ADRB3: variants seen among roughly 807,000 people sequenced by gnomAD.
ADRB3 encodes the protein adrenoceptor beta 3.
A neutral mutation model predicts 23.8 loss-of-function variants in ADRB3; 33 were observed. The ratio of observed to expected loss-of-function variants is 1.38; its 90% CI spans 1.05 to 1.85. ADRB3 has a LOEUF of 1.85. Ranked by LOEUF, ADRB3 falls within the 40% of genes most tolerant of loss-of-function variation. ADRB3 has a pLI of 0.00. For missense variants in ADRB3, 600 were observed against 579.6 expected (o/e 1.04, Z -0.36); for synonymous variants, 289 against 273.0 (o/e 1.06, Z -0.58).
rs1360805137 is a variant in ADRB3 at position 37,965,343 on chromosome 8, C to A, written c.1127G>T (p.Arg376Leu). 2.6e-6 allele frequency: 4 copies of A among 1,542,552 alleles called. No individual in the cohort carries two copies. Among genetic ancestry groups the A allele is most frequent in the Non-Finnish European group, 3.5e-6 (4 of 1,144,788 alleles). ...RLPPEPCAAARPALFPSGVPA... is the reference protein window; with the variant it reads ...RLPPEPCAAALPALFPSGVPA... ...AACGCCCGAGGGGAAGAGGGCCGGG[C>A]GGGCGGCGGCGCAGGGCTCCGGAGG... Residue 376 changes from arginine (R) to leucine (L), a missense_variant, in exon 1 of 2, where the codon CGC becomes CTC. Physicochemically the swap from Arg to Leu is moderately radical, Grantham distance 102. Coordinates refer to ENST00000345060, the MANE Select transcript of ADRB3 (RefSeq NM_000025.3).
rs1395784106 is a variant in ADRB3, at chr8:37,966,215, C to T, written c.255G>A (p.Val85=). ...FVTSLAAADL[V]MGLLVVPPAA... is the part of the protein sequence containing the mutation. ...CCGGCGGCACCACCAGGAGTCCCAT[C>T]ACCAGGTCGGCTGCGGCCAGCGAAG... is the stretch of plus-strand genomic sequence containing the variant. The change falls in exon 1 of 2, where the codon GTG becomes GTA. Residue 85 remains valine, a synonymous_variant. Coordinates refer to ENST00000345060, the MANE Select transcript of ADRB3 (RefSeq NM_000025.3). 1.2e-6 allele frequency: 2 copies of T among 1,613,276 alleles called. No individual in the cohort carries two copies. Among genetic ancestry groups the T allele is most frequent in the Non-Finnish European group, 1.7e-6 (2 of 1,179,672 alleles).
In ADRB3 at chr8:37,965,732, C is replaced by A. The variant is rs202006847; in HGVS notation, c.738G>T (p.Pro246=). ...RLLRGELGRF[P]PEESPPAPSR... ...ACGGCGCCGGCGGAGACTCCTCGGG[C>A]GGAAAGCGGCCCAGCTCCCCGCGCA... Residue 246 remains proline (P), a synonymous_variant, in exon 1 of 2, where the codon CCG becomes CCT. Coordinates refer to ENST00000345060, the MANE Select transcript of ADRB3 (RefSeq NM_000025.3). 1.2e-5 allele frequency: 19 copies of A among 1,549,614 alleles called. No homozygotes were observed. The highest frequency in any genetic ancestry group is 2.0e-5 in the Admixed American group (1 of 50,926).
rs977536988 is a variant in ADRB3 at position 37,963,355 on chromosome 8, G to C, written c.*863C>G. ...GGCAACTGGATTTCAAGAGTTTCAG[G>C]AAGGGTGGGGGAGCAAGATATCAAA... On this transcript the variant is annotated 3_prime_UTR_variant, in exon 2 of 2. Coordinates refer to ENST00000345060, the MANE Select transcript of ADRB3 (RefSeq NM_000025.3). 5.3e-5 allele frequency: 8 copies of C among 152,228 alleles called. No individual in the cohort carries two copies. The highest frequency in any genetic ancestry group is 1.9e-4 in the African/African-American group (8 of 41,446). 9.4% of individuals were successfully genotyped at this position (152,228 alleles called of 1,614,324 possible). A position where few individuals can be genotyped will look rare whatever the true frequency, so the allele number is the denominator to read the frequency against.
At position 37,965,945 on chromosome 8, in the gene ADRB3, G is replaced by A. The variant is rs1169884324; in HGVS notation, c.525C>T (p.Ser175=). Residue 175 remains serine (S), a synonymous_variant, in exon 1 of 2, where the codon AGC becomes AGT. Coordinates refer to ENST00000345060, the MANE Select transcript of ADRB3 (RefSeq NM_000025.3). ...CGTCGGCCCCTACGCGCCACCACTG[G>A]CTCATGATGGGCGCAAACGACACCG... ...SAAVSFAPIM[S]QWWRVGADAE... 1.9e-6 allele frequency: 3 copies of A among 1,556,914 alleles called. No homozygotes were observed. Among genetic ancestry groups the A allele is most frequent in the Non-Finnish European group, 2.6e-6 (3 of 1,150,140 alleles).
At position 37,965,882 on chromosome 8, in the gene ADRB3, A is replaced by C. The variant is rs779144816; in HGVS notation, c.588T>G (p.Cys196Trp). The change falls in exon 1 of 2, where the codon TGT becomes TGG. Residue 196 changes from cysteine (C) to tryptophan (W), a missense_variant. Physicochemically the swap from Cys to Trp is radical, Grantham distance 215. Coordinates refer to ENST00000345060, the MANE Select transcript of ADRB3 (RefSeq NM_000025.3). Reference sequence around the variant, plus strand: ...CGTAGGGCATGTTGGAGGCGAAGGCACAGCAGCGCGGGTTGGAGTGGCAGC... The same window carrying C: ...CGTAGGGCATGTTGGAGGCGAAGGCCCAGCAGCGCGGGTTGGAGTGGCAGC... ...AQRCHSNPRCCAFASNMPYVL... is the reference protein window; with the variant it reads ...AQRCHSNPRCWAFASNMPYVL... The C allele has an allele frequency of 6.4e-7, 1 of 1,553,044 alleles. No individual in the cohort carries two copies.
Position 37,966,439 on chromosome 8 carries a change from G to A in ADRB3, c.31C>T (p.Leu11Phe). The part of the protein sequence containing the change: MAPWPHENSS[L>F]APWPDLPTLA... The stretch of plus-strand genomic sequence containing the variant: ...GTGGGGAGGTCCGGCCATGGGGCAA[G>A]AGAGCTGTTCTCGTGAGGCCACGGA... The change falls in exon 1 of 2, where the codon CTT becomes TTT. Residue 11 changes from leucine (L) to phenylalanine (F), a missense_variant. Leu to Phe is a conservative substitution (Grantham distance 22). Coordinates refer to ENST00000345060, the MANE Select transcript of ADRB3 (RefSeq NM_000025.3). The A allele has an allele frequency of 6.2e-7, 1 of 1,604,948 alleles. No homozygotes were observed. The highest frequency in any genetic ancestry group is 1.1e-5 in the South Asian group (1 of 90,062).
intron 1 of ADRB3, chr8:37,964,868 GT>G (rs940071957): frequency 5.4e-6 from 1 of 183,604 alleles, no homozygotes; most frequent in African/African-American, 2.4e-5. Context: ...GGAGCCAGGA[GT>G]TCAAGACTGC....
In ADRB3 at chr8:37,966,063, T is replaced by C. The variant is rs1298020093; in HGVS notation, c.407A>G (p.Tyr136Cys). The change falls in exon 1 of 2, where the codon TAC becomes TGC. Residue 136 changes from tyrosine to cysteine, a missense_variant. By Grantham distance (194) the Tyr-to-Cys change is radical (BLOSUM62 -2). Coordinates refer to ENST00000345060, the MANE Select transcript of ADRB3 (RefSeq NM_000025.3). Reference protein sequence around the residue: ...ETLCALAVDRYLAVTNPLRYG... With the variant: ...ETLCALAVDRCLAVTNPLRYG... ...ACGCAGCGGGTTGGTCACAGCCAGG[T>C]AGCGGTCCACGGCCAGGGCGCACAG... 6.2e-7 allele frequency: 1 copy of C among 1,600,926 alleles called. No homozygotes were observed. The highest frequency in any genetic ancestry group is 8.5e-7 in the Non-Finnish European group (1 of 1,173,966).
At position 37,965,585 on chromosome 8, in the gene ADRB3, A is replaced by C. The variant is rs1323503463; in HGVS notation, c.885T>G (p.Gly295=). The part of the protein sequence containing the change: ...LREHRALCTL[G]LIMGTFTLCW... ...AGAGAGTGAAGGTGCCCATGATGAG[A>C]CCCAAGGTGCACAGGGCCCGGTGTT... The change falls in exon 1 of 2, where the codon GGT becomes GGG. Residue 295 remains glycine (G), a synonymous_variant. Coordinates refer to ENST00000345060, the MANE Select transcript of ADRB3 (RefSeq NM_000025.3). The C allele has an allele frequency of 2.6e-6, 4 of 1,548,996 alleles. No homozygotes were observed. The highest frequency in any genetic ancestry group is 3.9e-5 in the Admixed American group (2 of 50,952).
Position 37,964,163 on chromosome 8 carries a change from C to T in ADRB3, c.*55G>A. 6.5e-7 allele frequency: 1 copy of T among 1,539,316 alleles called. No homozygotes were observed. Among genetic ancestry groups the T allele is most frequent in the African/African-American group, 1.4e-5 (1 of 73,472 alleles). Reference sequence around the variant, plus strand: ...CATGGGACTCATTCTGAACAGAGGCCAGAGGTTTTCCACAGGTTCTGATCA... The same window carrying T: ...CATGGGACTCATTCTGAACAGAGGCTAGAGGTTTTCCACAGGTTCTGATCA... On this transcript the variant is annotated 3_prime_UTR_variant, in exon 2 of 2. Coordinates refer to ENST00000345060, the MANE Select transcript of ADRB3 (RefSeq NM_000025.3).
chr8:37,966,060 A>G lies in ADRB3; in HGVS notation c.410T>C (p.Leu137Pro), dbSNP rs199993738. The part of the protein sequence containing the change: ...TLCALAVDRY[L>P]AVTNPLRYGA... ...GTAACGCAGCGGGTTGGTCACAGCC[A>G]GGTAGCGGTCCACGGCCAGGGCGCA... The change falls in exon 1 of 2, where the codon CTG becomes CCG. Residue 137 changes from leucine (L) to proline (P), a missense_variant. Leu to Pro is a moderately conservative substitution (Grantham distance 98, BLOSUM62 -3). Coordinates refer to ENST00000345060, the MANE Select transcript of ADRB3 (RefSeq NM_000025.3). 6 of 1,599,986 alleles carry G rather than the reference A, an allele frequency of 3.8e-6. No individual in the cohort carries two copies. Among genetic ancestry groups the G allele is most frequent in the Non-Finnish European group, 5.1e-6 (6 of 1,173,398 alleles).
At position 37,964,222 on chromosome 8, in the gene ADRB3, G is replaced by A; in HGVS notation, c.1223C>T (p.Ser408Phe). The change falls in exon 2 of 2, where the codon TCT becomes TTT. Residue 408 changes from serine to phenylalanine, a missense_variant. Physicochemically the swap from Ser to Phe is radical, Grantham distance 155 (BLOSUM62 -2). Coordinates refer to ENST00000345060, the MANE Select transcript of ADRB3 (RefSeq NM_000025.3). ...QRLDGASWGV[S>F] ...GTTGCTTCTTGTCCTTCAGGCCTAAGAAACTCCCCAAGAAGCCCTGGGAAA... is the reference window on the plus strand; with the variant it reads ...GTTGCTTCTTGTCCTTCAGGCCTAAAAAACTCCCCAAGAAGCCCTGGGAAA... The A allele has an allele frequency of 6.2e-7, 1 of 1,613,670 alleles. No homozygotes were observed. Among genetic ancestry groups the A allele is most frequent in the Non-Finnish European group, 8.5e-7 (1 of 1,179,718 alleles).
rs201546681 is a variant in ADRB3, at chr8:37,963,961, C to T, written c.*257G>A. The T allele has an allele frequency of 1.4e-4, 61 of 440,526 alleles. No homozygotes were observed. Among genetic ancestry groups the T allele is most frequent in the Non-Finnish European group, 2.3e-4 (57 of 243,610 alleles). The allele number at this position is 440,526 out of a possible 1,614,324, so 27.3% of individuals were successfully genotyped here. A position where few individuals can be genotyped will look rare whatever the true frequency, so the allele number is the denominator to read the frequency against. On this transcript the variant is annotated 3_prime_UTR_variant, in exon 2 of 2. Coordinates refer to ENST00000345060, the MANE Select transcript of ADRB3 (RefSeq NM_000025.3). ...CCCTACCAAAGCCAGCCTGCTGCTC[C>T]ACGGCACCTGGACACTACCACTGAG...
intron 1 of ADRB3, chr8:37,964,840 G>GA (rs533738810): frequency 1.3e-4 from 22 of 173,916 alleles, no homozygotes; most frequent in Non-Finnish European, 2.0e-4. Context: ...GCTGAGGTGG[G>GA]AGGATCGCTT....
Position 37,965,435 on chromosome 8 carries a change from G to A in ADRB3, c.1035C>T (p.Ile345=), listed in dbSNP as rs1305166525. 6.4e-7 allele frequency: 1 copy of A among 1,550,614 alleles called. No homozygotes were observed. Among genetic ancestry groups the A allele is most frequent in the East Asian group, 2.4e-5 (1 of 40,950 alleles). The change falls in exon 1 of 2, where the codon ATC becomes ATT. Residue 345 remains isoleucine, a synonymous_variant. Transcript: ENST00000345060. ...TGCGAAAGTCCGGGCTGCGGCAGTA[G>A]ATGAGCGGGTTGAAGGCAGAATTGG... The part of the protein sequence containing the change: ...GYANSAFNPL[I]YCRSPDFRSA...
Position 37,965,676 on chromosome 8 carries a change from G to A in ADRB3, c.794C>T (p.Thr265Met), listed in dbSNP as rs4995. 1,074 of 1,537,794 alleles carry A rather than the reference G, an allele frequency of 7.0e-4. 8 individuals are homozygous for A. The African/African-American group carries it at 0.013, about 18-fold the overall frequency. Residue 265 changes from threonine to methionine, a missense_variant, in exon 1 of 2, where the codon ACG (threonine) becomes ATG (methionine). By Grantham distance (81) the Thr-to-Met change is moderately conservative. Transcript: ENST00000345060. ...GGGCACCCCTTCGGGCGGAGCGCACGTCCCCACCGGGGCCGGGGCCAGAGA... is the reference window on the plus strand; with the variant it reads ...GGGCACCCCTTCGGGCGGAGCGCACATCCCCACCGGGGCCGGGGCCAGAGA... ...SRSLAPAPVG[T>M]CAPPEGVPAC...
rs557272912 is a variant in ADRB3, at chr8:37,963,922, C to T, written c.*296G>A. Reference sequence around the variant, plus strand: ...GCACTCACTGACTGCACAGGCAAGCCGGGTGATGGGTGCCCCTACCAAAGC... The same window carrying T: ...GCACTCACTGACTGCACAGGCAAGCTGGGTGATGGGTGCCCCTACCAAAGC... On this transcript the variant is annotated 3_prime_UTR_variant, in exon 2 of 2. Transcript: ENST00000345060. 8 of 385,164 alleles carry T rather than the reference C, an allele frequency of 2.1e-5. No individual in the cohort carries two copies. The highest frequency in any genetic ancestry group is 6.2e-5 in the South Asian group (2 of 32,102). 23.9% of individuals were successfully genotyped at this position (385,164 alleles called of 1,614,324 possible).
In ADRB3 at chr8:37,966,299, C is replaced by A; in HGVS notation, c.171G>T (p.Leu57=). Residue 57 remains leucine, a synonymous_variant, in exon 1 of 2, where the codon CTG becomes CTT. Transcript: ENST00000345060. ...GAGTCCAGGCGATGGCCACGATGACCAGCAGGTTGCCTCCCACGGTGGCCA... is the reference window on the plus strand; with the variant it reads ...GAGTCCAGGCGATGGCCACGATGACAAGCAGGTTGCCTCCCACGGTGGCCA... The part of the protein sequence containing the change: ...AVLATVGGNL[L]VIVAIAWTPR... 1 of 1,613,720 alleles carries A rather than the reference C, an allele frequency of 6.2e-7. No homozygotes were observed. The highest frequency in any genetic ancestry group is 8.5e-7 in the Non-Finnish European group (1 of 1,179,806).
chr8:37,966,119 G>T lies in ADRB3; in HGVS notation c.351C>A (p.Asp117Glu). 6.2e-7 allele frequency: 1 copy of T among 1,611,222 alleles called. No individual in the cohort carries two copies. Among genetic ancestry groups the T allele is most frequent in the African/African-American group, 1.3e-5 (1 of 75,044 alleles). The change falls in exon 1 of 2, where the codon GAC becomes GAA. Residue 117 changes from aspartate (D) to glutamate (E), a missense_variant. Coordinates refer to ENST00000345060, the MANE Select transcript of ADRB3 (RefSeq NM_000025.3). ...CGATGCTGGCGGTCACACACAGCAC[G>T]TCCACCGAGGTCCACAGCTCGCAGC... ...ATGCELWTSV[D>E]VLCVTASIET...
Sources: gnomAD v4.1 joint callset for allele counts on GRCh38, gnomAD v4.1.1 for gene constraint, MANE v1.5 for transcripts, NCBI Gene and HGNC (gene_info 2026-07-23, HGNC 2026-07-21) for gene names.